The following RNFT1 variants were observed in gnomAD, a reference collection of about 807,000 sequenced individuals.
The protein encoded by RNFT1 is E3 ubiquitin-protein ligase RNFT1.
Under a neutral mutation model 53.2 loss-of-function variants are expected in RNFT1, and 35 were observed. The observed-to-expected ratio is 0.66, with a 90% CI of 0.50 to 0.87. The LOEUF (loss-of-function observed/expected upper bound fraction) is 0.87. Ranked by LOEUF, RNFT1 falls within the 40% of genes least tolerant of loss-of-function variation. RNFT1 has a pLI of 0.00. For missense variants in RNFT1, 421 were observed against 515.0 expected (o/e 0.82, Z 1.77); for synonymous variants, 141 against 172.8 (o/e 0.82, Z 1.44).
chr17:59,963,228 A>C lies in RNFT1; in HGVS notation c.113T>G (p.Met38Arg), dbSNP rs2045308967. The change falls in exon 2 of 9, where the codon ATG becomes AGG. Residue 38 changes from methionine to arginine, a missense_variant. Transcript: ENST00000305783. ...SGSEKKYLRA[M>R]QANRSQLHSP... ...GTGCAGTTGGCTACGATTGGCTTGC[A>C]TGGCCCTTAAATACTTTTTCTCTGA... is the stretch of plus-strand genomic sequence containing the variant. 1 of 1,613,814 alleles carries C rather than the reference A, an allele frequency of 6.2e-7. No homozygotes were observed. Among genetic ancestry groups the C allele is most frequent in the African/African-American group, 1.3e-5 (1 of 74,922 alleles).
chr17:59,960,613 C>T (rs1248709249), intron 3 of RNFT1, among the ~76,000 whole-genome samples: 1 of 151,844 alleles, frequency 6.6e-6, no homozygotes, highest in African/African-American at 2.4e-5. Context: ...GAGTTTGTGA[C>T]CAGCCTGCCC....
Position 59,952,929 on chromosome 17 carries a change from T to C in RNFT1, c.*48A>G, listed in dbSNP as rs1375711382. The C allele has an allele frequency of 1.3e-6, 2 of 1,577,338 alleles. No homozygotes were observed. The highest frequency in any genetic ancestry group is 2.2e-5 in the East Asian group (1 of 44,448). Reference sequence around the variant, plus strand: ...ATTCTGATGCCTTATCAGTAGTCATTATGACCAAATGACATTAGTATTTTG... The same window carrying C: ...ATTCTGATGCCTTATCAGTAGTCATCATGACCAAATGACATTAGTATTTTG... On this transcript the variant is annotated 3_prime_UTR_variant, in exon 9 of 9. Coordinates refer to ENST00000305783, the MANE Select transcript of RNFT1 (RefSeq NM_016125.4).
At position 59,957,277 on chromosome 17, in the gene RNFT1, C is replaced by T. The variant is rs138794420; in HGVS notation, c.952G>A (p.Val318Ile). Residue 318 changes from valine to isoleucine, a missense_variant, in exon 6 of 9, where the codon GTA becomes ATA. Physicochemically the swap from Val to Ile is conservative, Grantham distance 29. Transcript: ENST00000305783. ...AGTATCCCAAGACTCCATCTAGTTA[C>T]GTTACCAAACTCCCCATAGCTTATA... is the stretch of plus-strand genomic sequence containing the variant. ...YLISYGEFGN[V>I]TRWSLGILLA... The T allele has an allele frequency of 1.7e-3, 2,742 of 1,613,836 alleles. 51 individuals are homozygous for T. In the Admixed American group the frequency reaches 0.037, roughly 22 times the overall value.
At chr17:59,961,062 G>T in intron 3 of RNFT1, among the ~76,000 whole-genome samples, 1 of 149,004 alleles carries the variant, frequency 6.7e-6, no homozygotes, top group African/African-American at 2.5e-5. Flanking sequence ...TTTGAGACTG[G>T]GTCTCACTCT....
At chr17:59,955,401 CCCTG>C (rs2045247660) in intron 7 of RNFT1, among the ~76,000 whole-genome samples, 1 of 152,158 alleles carries the variant, frequency 6.6e-6, no homozygotes, top group Non-Finnish European at 1.5e-5. Flanking sequence ...ACTGCCATTT[CCCTG>C]GTAAAGGAGA....
At chr17:59,955,573 T>C (rs1277244079) in intron 7 of RNFT1, among the ~76,000 whole-genome samples, 8 of 152,204 alleles carry the variant, frequency 5.3e-5, no homozygotes, top group Non-Finnish European at 8.8e-5. Context: ...TTGAACTGAC[T>C]TGGACAAAGC....
intron 1 of RNFT1, 50 bp downstream of exon 1, chr17:59,964,558 G>A (rs1487051426): frequency 1.9e-6 from 3 of 1,543,714 alleles, no homozygotes; most frequent in Non-Finnish European, 8.8e-7. Flanking sequence ...AGCCCCCTGC[G>A]CCGCGGCCCC....
chr17:59,960,437 CAA>C (rs11406596), intron 3 of RNFT1, among the ~76,000 whole-genome samples: 1 of 68,340 alleles, frequency 1.5e-5, no homozygotes, highest in Non-Finnish European at 2.5e-5. Context: ...AGTCTTCTCT[CAA>C]AAAAAAAAAA....
In RNFT1 at chr17:59,963,291, A is replaced by C. The variant is rs1292954339; in HGVS notation, c.57-7T>G. On this transcript the variant is annotated splice_region_variant and splice_polypyrimidine_tract_variant and intron_variant, in intron 1 of 8. Coordinates refer to ENST00000305783, the MANE Select transcript of RNFT1 (RefSeq NM_016125.4). Reference sequence around the variant, plus strand: ...TGCTTCAGGCCTCTGTCTCCTAAAAAATCAAATAAAAGATATTCTAAGTAA... The same window carrying C: ...TGCTTCAGGCCTCTGTCTCCTAAAACATCAAATAAAAGATATTCTAAGTAA... 19 of 1,594,930 alleles carry C rather than the reference A, an allele frequency of 1.2e-5. No homozygotes were observed. Among genetic ancestry groups the C allele is most frequent in the Non-Finnish European group, 1.5e-5 (17 of 1,171,040 alleles).
chr17:59,961,993 C>T (rs1168157046), intron 3 of RNFT1, among the ~76,000 whole-genome samples: 2 of 145,036 alleles, frequency 1.4e-5, no homozygotes, highest in Admixed American at 1.5e-4. Flanking sequence ...TCAAGTGATT[C>T]TCCTGCCTCA....
Position 59,956,508 on chromosome 17 carries a change from G to A in RNFT1, c.1051C>T (p.Arg351Ter), listed in dbSNP as rs764078416. ...CTTACTGGTTGTGTAAAAAATATTC[G>A]TAAAACCTGTCTGAAAGTTCTCAGA... is the stretch of plus-strand genomic sequence containing the variant. ...GHLRTFRQVLRIFFTQPSYGV... is the reference protein window; with the variant it reads ...GHLRTFRQVL The change falls in exon 7 of 9, where the codon CGA (arginine) becomes TGA (stop). Residue 351 changes from arginine (R) to a stop codon, truncating the protein, a stop_gained. Coordinates refer to ENST00000305783, the MANE Select transcript of RNFT1 (RefSeq NM_016125.4). LOFTEE classifies it high-confidence loss of function. The A allele has an allele frequency of 3.7e-6, 6 of 1,611,834 alleles. No homozygotes were observed. The highest frequency in any genetic ancestry group is 2.7e-5 in the African/African-American group (2 of 74,846).
At position 59,963,126 on chromosome 17, in the gene RNFT1, G is replaced by A. The variant is rs561995422; in HGVS notation, c.215C>T (p.Ser72Phe). The change falls in exon 2 of 9, where the codon TCT becomes TTT. Residue 72 changes from serine to phenylalanine, a missense_variant. By Grantham distance (155) the Ser-to-Phe change is radical. Coordinates refer to ENST00000305783, the MANE Select transcript of RNFT1 (RefSeq NM_016125.4). ...CVHTRLTGEG[S>F]CPHSGDVHIQ... The stretch of plus-strand genomic sequence containing the variant: ...ATGAACATCTCCAGAATGAGGGCAA[G>A]AACCCTCTCCTGTCAATCTTGTGTG... 2 of 1,614,230 alleles carry A rather than the reference G, an allele frequency of 1.2e-6. No individual in the cohort carries two copies. Among genetic ancestry groups the A allele is most frequent in the Non-Finnish European group, 1.7e-6 (2 of 1,180,046 alleles).
At position 59,964,698 on chromosome 17, in the gene RNFT1, C is replaced by T; in HGVS notation, c.-35G>A. On this transcript the variant is annotated 5_prime_UTR_variant, in exon 1 of 9. Coordinates refer to ENST00000305783, the MANE Select transcript of RNFT1 (RefSeq NM_016125.4). Reference sequence around the variant, plus strand: ...CCAGCCCTTCAGTCGGGGCCATCAACCGCAAACCCCGCAAGCTCTTCTCTC... The same window carrying T: ...CCAGCCCTTCAGTCGGGGCCATCAATCGCAAACCCCGCAAGCTCTTCTCTC... 6.4e-7 allele frequency: 1 copy of T among 1,571,872 alleles called. No homozygotes were observed. Among genetic ancestry groups the T allele is most frequent in the East Asian group, 2.4e-5 (1 of 41,864 alleles).
Position 59,963,241 on chromosome 17 carries a change from A to T in RNFT1, c.100T>A (p.Tyr34Asn), listed in dbSNP as rs564335135. ...EAKTSGSEKK[Y>N]LRAMQANRSQ... ...CGATTGGCTTGCATGGCCCTTAAAT[A>T]CTTTTTCTCTGACCCAGATGTCTTT... Residue 34 changes from tyrosine (Y) to asparagine (N), a missense_variant, in exon 2 of 9, where the codon TAT (tyrosine) becomes AAT (asparagine). Transcript: ENST00000305783. The T allele has an allele frequency of 1.2e-6, 2 of 1,613,156 alleles. No individual in the cohort carries two copies. Among genetic ancestry groups the T allele is most frequent in the South Asian group, 2.2e-5 (2 of 91,076 alleles).
intron 8 of RNFT1, 25 bp downstream of exon 8, chr17:59,954,020 T>A (rs2045238489): frequency 7.0e-7 from 1 of 1,427,474 alleles, no homozygotes; most frequent in African/African-American, 1.5e-5. Flanking sequence ...TGTATTTAGG[T>A]TTTTAAATTT....
chr17:59,963,130 C>G lies in RNFT1; in HGVS notation c.211G>C (p.Gly71Arg). ...ACATCTCCAGAATGAGGGCAAGAAC[C>G]CTCTCCTGTCAATCTTGTGTGGACA... ...QCVHTRLTGE[G>R]SCPHSGDVHI... is the part of the protein sequence containing the mutation. The change falls in exon 2 of 9, where the codon GGT becomes CGT. Residue 71 changes from glycine to arginine, a missense_variant. Physicochemically the swap from Gly to Arg is moderately radical, Grantham distance 125. Coordinates refer to ENST00000305783, the MANE Select transcript of RNFT1 (RefSeq NM_016125.4). 1 of 1,614,168 alleles carries G rather than the reference C, an allele frequency of 6.2e-7. No individual in the cohort carries two copies. The highest frequency in any genetic ancestry group is 8.5e-7 in the Non-Finnish European group (1 of 1,180,032).
chr17:59,953,277 C>T (rs1368570453), intron 8 of RNFT1, among the ~76,000 whole-genome samples, 166 bp from the exon 9 acceptor site: 9 of 151,454 alleles, frequency 5.9e-5, no homozygotes. Context: ...CTCACTGCAA[C>T]CTCCGCCCCC....
chr17:59,954,196 TC>T (rs934931817), intron 7 of RNFT1, 50 bp from the exon 8 acceptor site: 1 of 1,248,738 alleles, frequency 8.0e-7, no homozygotes, highest in Non-Finnish European at 1.1e-6. Flanking sequence ...TCTTTCCTGT[TC>T]CTCAAATTAC....
intron 3 of RNFT1, among the ~76,000 whole-genome samples, chr17:59,962,044 C>T (rs1382517213): frequency 1.3e-5 from 2 of 152,088 alleles, no homozygotes; most frequent in African/African-American, 4.8e-5. Context: ...TGCCACCACA[C>T]CTAGCTAATT....
Sources: allele counts gnomAD v4.1 joint callset (sites outside exome capture counted in the v4.1 genomes callset), GRCh38; gene constraint gnomAD v4.1.1; transcripts MANE v1.5; gene names NCBI Gene and HGNC (gene_info 2026-07-23, HGNC 2026-07-21).